Variants in ABI2 observed in about 807,000 individuals in gnomAD.
ABI2 encodes the protein abl interactor 2, also known as abelson interactor 2.
Under a neutral mutation model 59.2 loss-of-function variants are expected in ABI2, and 25 were observed. The ratio of observed to expected loss-of-function variants is 0.42; its 90% CI spans 0.31 to 0.59. ABI2 has a LOEUF of 0.59. Among genes scored for constraint, ABI2 ranks in the 20% least tolerant of loss-of-function variants. ABI2 has a pLI of 0.14. For synonymous variants in ABI2, 213 were observed against 235.5 expected, an observed-to-expected ratio of 0.90 and a Z score of 0.87; for missense variants, 545 against 681.8, an observed-to-expected ratio of 0.80 and a Z score of 2.23.
At chr2:203,331,924 C>T (rs1325430475) in intron 1 of ABI2, among the ~76,000 whole-genome samples, 1 of 151,692 alleles carries the variant, frequency 6.6e-6, no homozygotes, top group Non-Finnish European at 1.5e-5. Context: ...ATTGTCCTGC[C>T]TCAGCCTCCC....
intron 11 of ABI2, among the ~76,000 whole-genome samples, chr2:203,425,882 C>CGTG (rs2098412852): frequency 6.6e-6 from 1 of 151,674 alleles, no homozygotes; most frequent in African/African-American, 2.4e-5. Flanking sequence ...ATTAGCTGTG[C>CGTG]GTGGTGGTGG....
At chr2:203,379,838 A>C (rs2095992448) in intron 2 of ABI2, among the ~76,000 whole-genome samples, 1 of 152,220 alleles carries the variant, frequency 6.6e-6, no homozygotes, top group Admixed American at 6.5e-5. Context: ...ACAGATAAGC[A>C]AGTGAGCGGC....
chr2:203,413,309 T>C (rs562096737), intron 10 of ABI2, among the ~76,000 whole-genome samples: 42 of 152,342 alleles, frequency 2.8e-4, no homozygotes, highest in African/African-American at 9.9e-4. Context: ...CAGGATGTCA[T>C]TGGTTTTCGC....
intron 10 of ABI2, 151 bp downstream of exon 10, chr2:203,411,522 GAA>G: frequency 1.6e-6 from 1 of 626,504 alleles, no homozygotes; most frequent in Non-Finnish European, 2.7e-6. Context: ...ATAAAATAGA[GAA>G]ATTTTCTACT....
chr2:203,332,503 T>G (rs1406894177), intron 1 of ABI2, among the ~76,000 whole-genome samples: 1 of 152,148 alleles, frequency 6.6e-6, no homozygotes, highest in Non-Finnish European at 1.5e-5. Context: ...CGTGTGCCTG[T>G]AGTCCCAGCT....
chr2:203,408,394 C>T (rs1177451672), intron 9 of ABI2, among the ~76,000 whole-genome samples: 1 of 151,466 alleles, frequency 6.6e-6, no homozygotes, highest in African/African-American at 2.4e-5. Context: ...AACTCCTGAC[C>T]TCAGGTGATG....
chr2:203,387,919 A>T, intron 4 of ABI2, among the ~76,000 whole-genome samples: 1 of 152,152 alleles, frequency 6.6e-6, no homozygotes, highest in Non-Finnish European at 1.5e-5. Flanking sequence ...TTGTCAGGAA[A>T]TGTTTTCTCT....
At position 203,430,760 on chromosome 2, in the gene ABI2, T is replaced by C. The variant is rs1581219357; in HGVS notation, c.*3408T>C. The C allele has an allele frequency of 6.6e-6, 1 of 152,350 alleles. No homozygotes were observed. The highest frequency in any genetic ancestry group is 1.9e-4 in the East Asian group (1 of 5,190). The allele number at this position is 152,350 out of a possible 1,614,324, so 9.4% of individuals were successfully genotyped here. On this transcript the variant is annotated 3_prime_UTR_variant, in exon 12 of 12. Coordinates refer to ENST00000261018, the MANE Select transcript of ABI2 (RefSeq NM_001375670.1). ...TTCATCCCCTCCTTTTTCCTACTGCTGGTGTTTATTATCCAGCTAGACAAT... is the reference window on the plus strand; with the variant it reads ...TTCATCCCCTCCTTTTTCCTACTGCCGGTGTTTATTATCCAGCTAGACAAT...
At chr2:203,388,449 A>G (rs1172854213) in intron 4 of ABI2, among the ~76,000 whole-genome samples, 1 of 152,060 alleles carries the variant, frequency 6.6e-6, no homozygotes, top group Non-Finnish European at 1.5e-5. Flanking sequence ...TTGGGAGGCC[A>G]AGGTGGGTGG....
intron 2 of ABI2, among the ~76,000 whole-genome samples, chr2:203,373,270 G>A (rs1577672869): frequency 1.3e-5 from 2 of 152,258 alleles, no homozygotes; most frequent in South Asian, 2.1e-4. Flanking sequence ...AGACCAGCCC[G>A]GCCAACACAG....
intron 11 of ABI2, among the ~76,000 whole-genome samples, chr2:203,424,210 CAG>C (rs1207060750): frequency 6.6e-6 from 1 of 152,140 alleles, no homozygotes. Flanking sequence ...GGTGAAAACA[CAG>C]ATACTTTATT....
chr2:203,361,350 T>A (rs572396114), intron 1 of ABI2, among the ~76,000 whole-genome samples: 65 of 152,254 alleles, frequency 4.3e-4, no homozygotes, highest in South Asian at 3.7e-3. Context: ...AAGAAAATGT[T>A]TGGCTTGGTG....
At chr2:203,386,005 C>CT (rs1288591863) in intron 4 of ABI2, among the ~76,000 whole-genome samples, 6 of 152,136 alleles carry the variant, frequency 3.9e-5, no homozygotes, top group African/African-American at 1.4e-4. Context: ...AATTTATACT[C>CT]TAATTCCTGG....
chr2:203,339,447 G>A (rs971302233), intron 1 of ABI2, among the ~76,000 whole-genome samples: 4 of 151,820 alleles, frequency 2.6e-5, no homozygotes, highest in Admixed American at 6.6e-5. Flanking sequence ...GGGTGTGGTT[G>A]GCGGGTGTCT....
chr2:203,333,790 C>G (rs1039774073), intron 1 of ABI2, among the ~76,000 whole-genome samples: 2 of 152,146 alleles, frequency 1.3e-5, no homozygotes, highest in African/African-American at 4.8e-5. Context: ...GTCCAAGGAA[C>G]TTAAGTGACC....
intron 1 of ABI2, chr2:203,351,678 G>A (rs1259180789): frequency 2.6e-6 from 1 of 377,526 alleles, no homozygotes; most frequent in Non-Finnish European, 5.1e-6. Flanking sequence ...TGGGACTACA[G>A]GTGCGTGCTA....
At chr2:203,398,323 C>G (rs984421892) in intron 8 of ABI2, among the ~76,000 whole-genome samples, 2 of 152,052 alleles carry the variant, frequency 1.3e-5, no homozygotes, top group Non-Finnish European at 2.9e-5. Context: ...AAGAATGCAT[C>G]AGAAAGGACA....
intron 7 of ABI2, 22 bp downstream of exon 7, chr2:203,395,802 G>A (rs751564722): frequency 2.0e-5 from 31 of 1,552,762 alleles, no homozygotes; most frequent in Admixed American, 3.8e-5. Flanking sequence ...ATGGTGCCTC[G>A]TCTTCACTTT....
chr2:203,351,779 T>C, intron 1 of ABI2: 1 of 273,350 alleles, frequency 3.7e-6, no homozygotes, highest in Non-Finnish European at 7.2e-6. Context: ...CAAGCAGTCC[T>C]CCCACTGTGG....
Sources: gnomAD v4.1 joint callset for allele counts (sites outside exome capture counted in the v4.1 genomes callset) on GRCh38, gnomAD v4.1.1 for gene constraint, MANE v1.5 for transcripts, NCBI Gene and HGNC (gene_info 2026-07-23, HGNC 2026-07-21) for gene names.